The following MYO5C variants were observed in gnomAD, a reference collection of about 807,000 sequenced individuals.
The protein encoded by MYO5C is myosin VC, also known as unconventional myosin-Vc.
In MYO5C, 194 loss-of-function variants were observed where a neutral mutation model predicts 235.7. The ratio of observed to expected loss-of-function variants is 0.82; its 90% CI spans 0.73 to 0.93. The LOEUF (loss-of-function observed/expected upper bound fraction) is 0.93. Ranked by LOEUF, MYO5C falls within the 40% of genes least tolerant of loss-of-function variation. The probability of loss-of-function intolerance (pLI) is 0.00; values close to 1 mark genes in which losing one functional copy is unlikely to be tolerated. For missense variants in MYO5C, 2,038 were observed against 2,127.2 expected (o/e 0.96, Z 0.82); for synonymous variants, 707 against 754.8 (o/e 0.94, Z 1.04).
intron 13 of MYO5C, 138 bp from the exon 14 acceptor site, chr15:52,248,921 T>A: frequency 1.6e-6 from 1 of 636,550 alleles, no homozygotes. Flanking sequence ...CTGGCTTCTG[T>A]GCATCATGGC....
chr15:52,259,368 C>T (rs1198105243), intron 10 of MYO5C, among the ~76,000 whole-genome samples: 4 of 144,352 alleles, frequency 2.8e-5, no homozygotes, highest in South Asian at 2.1e-4. Flanking sequence ...TGCAGTGAGC[C>T]GAGATGGTGC....
At chr15:52,228,993 G>T (rs114146511) in intron 25 of MYO5C, 140 bp downstream of exon 25, 5 of 901,176 alleles carry the variant, frequency 5.5e-6, no homozygotes, top group Non-Finnish European at 1.7e-6. Flanking sequence ...GAGGTGCACA[G>T]TTGGAAGGAC....
At chr15:52,244,946 G>C (rs2036306237) in intron 18 of MYO5C, among the ~76,000 whole-genome samples, 1 of 152,174 alleles carries the variant, frequency 6.6e-6, no homozygotes, top group Non-Finnish European at 1.5e-5. Flanking sequence ...CCCCTTTGCT[G>C]GACCTTATAA....
intron 22 of MYO5C, among the ~76,000 whole-genome samples, chr15:52,236,245 G>T (rs2036082428): frequency 6.6e-6 from 1 of 152,242 alleles, no homozygotes. Flanking sequence ...AGGCCCCGTG[G>T]TGCTGACTGA....
chr15:52,229,813 T>C (rs935749312), intron 24 of MYO5C, among the ~76,000 whole-genome samples: 8 of 152,330 alleles, frequency 5.3e-5, no homozygotes, highest in Admixed American at 4.6e-4. Flanking sequence ...GACAACTTCT[T>C]ACACCTCCTG....
At chr15:52,245,513 T>C (rs2048197440) in intron 17 of MYO5C, 48 bp from the exon 18 acceptor site, 1 of 1,359,448 alleles carries the variant, frequency 7.4e-7, no homozygotes, top group Non-Finnish European at 1.1e-6. Flanking sequence ...AGGAAGCACA[T>C]TGTGTCTGGG....
rs1032062991 is a variant in MYO5C at position 52,295,629 on chromosome 15, A to G, written c.8T>C (p.Val3Ala). 10 of 1,484,242 alleles carry G rather than the reference A, an allele frequency of 6.7e-6. No individual in the cohort carries two copies. The Admixed American group carries it at 7.2e-5, about 11-fold the overall frequency. 91.9% of individuals were successfully genotyped at this position (1,484,242 alleles called of 1,614,324 possible). A position where few individuals can be genotyped will look rare whatever the true frequency, so the allele number is the denominator to read the frequency against. Residue 3 changes from valine to alanine, a missense_variant, in exon 1 of 41, where the codon GTG becomes GCG. Physicochemically the swap from Val to Ala is moderately conservative, Grantham distance 64. Coordinates refer to ENST00000261839, the MANE Select transcript of MYO5C (RefSeq NM_018728.4). Reference sequence around the variant, plus strand: ...TCCTACCTGCGTGTACAGCTCGGCCACCGCCATGGGCAGGAGGGGCCGGGG... The same window carrying G: ...TCCTACCTGCGTGTACAGCTCGGCCGCCGCCATGGGCAGGAGGGGCCGGGG... MA[V>A]AELYTQYNRV...
In MYO5C at chr15:52,225,107, G is replaced by A. The variant is rs372774862; in HGVS notation, c.3333C>T (p.Leu1111=). ...EKMSEITKQL[L]ESYDIEDVRS... is the part of the protein sequence containing the mutation. ...TTACATCTTCAATGTCATAGCTTTC[G>A]AGAAGTTGTTTGGTGATCTCTGACA... The change falls in exon 27 of 41, where the codon CTC becomes CTT. Residue 1111 remains leucine, a synonymous_variant. Transcript: ENST00000261839. 1.4e-5 allele frequency: 23 copies of A among 1,614,020 alleles called. No homozygotes were observed. The highest frequency in any genetic ancestry group is 3.3e-5 in the Admixed American group (2 of 60,022).
At chr15:52,285,284 C>A (rs562914173) in intron 1 of MYO5C, among the ~76,000 whole-genome samples, 1 of 152,078 alleles carries the variant, frequency 6.6e-6, no homozygotes, top group African/African-American at 2.4e-5. Flanking sequence ...AGGATAATCG[C>A]TTGAACCCAG....
intron 25 of MYO5C, 44 bp from the exon 26 acceptor site, chr15:52,225,576 A>C: frequency 7.7e-7 from 1 of 1,304,648 alleles, no homozygotes; most frequent in South Asian, 1.2e-5. Context: ...AAAAACAACG[A>C]TTATGCTTTA....
chr15:52,265,982 A>G (rs1336886734), intron 8 of MYO5C, among the ~76,000 whole-genome samples: 1 of 152,210 alleles, frequency 6.6e-6, no homozygotes, highest in Admixed American at 6.5e-5. Context: ...AGATGTGTCC[A>G]ACAGAAATAT....
chr15:52,219,734 GA>G, intron 31 of MYO5C, 24 bp downstream of exon 31: 2 of 1,574,574 alleles, frequency 1.3e-6, no homozygotes, highest in Non-Finnish European at 1.7e-6. Context: ...GCATGAACTT[GA>G]GGTACACACA....
At position 52,256,585 on chromosome 15, in the gene MYO5C, ACACG is replaced by A. The variant is rs2036586055; in HGVS notation, c.1395+50_1395+53del. 9.2e-6 allele frequency: 8 copies of A among 870,856 alleles called. No homozygotes were observed. In the African/African-American group the frequency reaches 9.8e-5, roughly 11 times the overall value. 53.9% of individuals were successfully genotyped at this position (870,856 alleles called of 1,614,324 possible). On this transcript the variant is annotated intron_variant, in intron 11 of 40. Coordinates refer to ENST00000261839, the MANE Select transcript of MYO5C (RefSeq NM_018728.4). ...CGAACACACACACACACACACACAC[ACACG>A]CGCGCGCGCGCGGCTGAGAACTAGT...
Position 52,245,366 on chromosome 15 carries a change from G to C in MYO5C, c.2166C>G (p.His722Gln). Residue 722 changes from histidine (H) to glutamine (Q), a missense_variant, in exon 18 of 41, where the codon CAC becomes CAG. By Grantham distance (24) the His-to-Gln change is conservative. Transcript: ENST00000261839. ...TGGGGAAACTGACCTGGATGAGTCT[G>C]TGTAAAACCACCTTGCACACCTCCT... ...DKKEVCKVVL[H>Q]RLIQDSNQYQ... 2 of 1,613,288 alleles carry C rather than the reference G, an allele frequency of 1.2e-6. No individual in the cohort carries two copies. Among genetic ancestry groups the C allele is most frequent in the Non-Finnish European group, 1.7e-6 (2 of 1,179,196 alleles).
chr15:52,211,655 G>A (rs2035443019), intron 35 of MYO5C, 75 bp downstream of exon 35: 3 of 1,496,504 alleles, frequency 2.0e-6, no homozygotes, highest in African/African-American at 2.8e-5. Flanking sequence ...TGGAGGCTCA[G>A]GATGGGCAAA....
At chr15:52,236,687 A>C (rs2036094612) in intron 22 of MYO5C, 1 of 152,180 alleles carries the variant, frequency 6.6e-6, no homozygotes, top group South Asian at 2.1e-4. Context: ...AAAAACAAAA[A>C]AAAAACAAAA....
chr15:52,204,977 C>G lies in MYO5C; in HGVS notation c.4708G>C (p.Glu1570Gln), dbSNP rs371946722. ...TTMCQNGLDPELVRQAVKQLF... is the reference protein window; with the variant it reads ...TTMCQNGLDPQLVRQAVKQLF... ...TGCTTCACCGCCTGCCTCACAAGCT[C>G]GGGGTCCAGGCCGTTCTGGCACATG... Residue 1570 changes from glutamate to glutamine, a missense_variant, in exon 38 of 41, where the codon GAG becomes CAG. Physicochemically the swap from Glu to Gln is conservative, Grantham distance 29. Transcript: ENST00000261839. 1.9e-6 allele frequency: 3 copies of G among 1,614,124 alleles called. No individual in the cohort carries two copies. The highest frequency in any genetic ancestry group is 1.3e-5 in the African/African-American group (1 of 74,958).
At chr15:52,199,679 C>T (rs555628369) in intron 38 of MYO5C, among the ~76,000 whole-genome samples, 1 of 152,242 alleles carries the variant, frequency 6.6e-6, no homozygotes, top group Non-Finnish European at 1.5e-5. Context: ...TTTCCCTCTC[C>T]TTTTTCTCTA....
rs1028199343 is a variant in MYO5C at position 52,287,907 on chromosome 15, C to T, written c.28-5015G>A. On this transcript the variant is annotated intron_variant, in intron 1 of 40. Transcript: ENST00000261839. ...AGGAGAATCGCTTGAACCCGAGAGG[C>T]GGAGGTTTCTGTGAGGCAAGATCTT... 1.5e-4 allele frequency among the ~76,000 whole-genome samples: 22 copies of T among 151,624 alleles called. 1 individual carries two copies. In the South Asian group the frequency reaches 3.5e-3, roughly 24 times the overall value.
Sources: gnomAD v4.1 joint callset for allele counts (sites outside exome capture counted in the v4.1 genomes callset) on GRCh38, gnomAD v4.1.1 for gene constraint, MANE v1.5 for transcripts, NCBI Gene and HGNC (gene_info 2026-07-23, HGNC 2026-07-21) for gene names.